The following EMC10 variants were observed in gnomAD, a reference collection of about 807,000 sequenced individuals.
The protein encoded by EMC10 is ER membrane protein complex subunit 10, also known as UPF0510 protein INM02.
EMC10 carries 40 observed loss-of-function variants against 32.2 expected under a neutral mutation model. The observed-to-expected ratio is 1.24, with a 90% CI of 0.96 to 1.61. EMC10 has a LOEUF of 1.61. Among genes scored for constraint, EMC10 ranks in the 40% most tolerant of loss-of-function variants. EMC10 has a pLI of 0.00. For missense variants in EMC10, 402 were observed against 357.7 expected (o/e 1.12, Z -1.00); for synonymous variants, 178 against 158.4 (o/e 1.12, Z -0.93).
In EMC10 at chr19:50,483,295, T is replaced by TG. The variant is rs2040352391; in HGVS notation, c.*1038dup. 2.7e-6 allele frequency: 1 copy of TG among 373,644 alleles called. No homozygotes were observed. The highest frequency in any genetic ancestry group is 2.0e-5 in the South Asian group (1 of 50,458). 23.1% of individuals were successfully genotyped at this position (373,644 alleles called of 1,614,324 possible). The stretch of plus-strand genomic sequence containing the variant: ...CTGTCCCCATCCTCATGTGGCTGTG[T>TG]GGAGCTCAGCTGTGTTGTGTGGCAG... On this transcript the variant is annotated 3_prime_UTR_variant, in exon 7 of 7. Transcript: ENST00000334976.
At position 50,480,732 on chromosome 19, in the gene EMC10, T is replaced by C. The variant is rs754182565; in HGVS notation, c.554T>C (p.Val185Ala). The change falls in exon 5 of 7, where the codon GTG (valine) becomes GCG (alanine). Residue 185 changes from valine to alanine, a missense_variant. Val to Ala is a moderately conservative substitution (Grantham distance 64). Transcript: ENST00000334976. This position sits in a 1 kb window ranked among gnomAD's most constrained non-coding sequence, Gnocchi z 4.4. ...DVDLELFNTSVQLQPPTTAPG... is the reference protein window; with the variant it reads ...DVDLELFNTSAQLQPPTTAPG... Reference sequence around the variant, plus strand: ...GACCTGGAGCTGTTCAACACCTCGGTGCAGCTGCAGCCGCCCACCACAGCC... The same window carrying C: ...GACCTGGAGCTGTTCAACACCTCGGCGCAGCTGCAGCCGCCCACCACAGCC... 175 of 1,600,816 alleles carry C rather than the reference T, an allele frequency of 1.1e-4. No homozygotes were observed. The East Asian group carries it at 3.5e-3, about 32-fold the overall frequency.
At chr19:50,481,744 G>A in intron 6 of EMC10, 1 of 842,768 alleles carries the variant, frequency 1.2e-6, no homozygotes, top group Non-Finnish European at 1.8e-6. Context: ...CCCAGAGGCT[G>A]AGCCCTTGCC....
rs1601331256 is a variant in EMC10, at chr19:50,485,085, T to C, written c.*2826T>C. 1 of 152,244 alleles carries C rather than the reference T, an allele frequency of 6.6e-6. No individual in the cohort carries two copies. The highest frequency in any genetic ancestry group is 6.5e-5 in the Admixed American group (1 of 15,288). The allele number at this position is 152,244 out of a possible 1,614,324, so 9.4% of individuals were successfully genotyped here. On this transcript the variant is annotated 3_prime_UTR_variant, in exon 7 of 7. Transcript: ENST00000334976. Reference sequence around the variant, plus strand: ...AGGTGCCATCTTATTCCATCTCTGGTGTAAGAGTGTGTTGCTGGATTTGAG... The same window carrying C: ...AGGTGCCATCTTATTCCATCTCTGGCGTAAGAGTGTGTTGCTGGATTTGAG...
At chr19:50,481,934 C>T in intron 6 of EMC10, 1 of 1,607,684 alleles carries the variant, frequency 6.2e-7, no homozygotes, top group Non-Finnish European at 8.5e-7. Context: ...GCGCCACCGC[C>T]ACAGGAGGCC....
intron 2 of EMC10, among the ~76,000 whole-genome samples, chr19:50,478,372 G>A (rs938683806): frequency 1.1e-4 from 16 of 152,152 alleles, no homozygotes; most frequent in Non-Finnish European, 2.2e-4. Flanking sequence ...AAGAGGAAAC[G>A]GGCTCAGAGT....
chr19:50,478,872 A>G (rs2040272097), intron 2 of EMC10, 85 bp from the exon 3 acceptor site: 1 of 1,131,090 alleles, frequency 8.8e-7, no homozygotes, highest in East Asian at 2.6e-5. Context: ...GGCCAGGCCA[A>G]AATTTGAAGC....
chr19:50,482,910 TG>T lies in EMC10; in HGVS notation c.*652del. ...AAACAAGGAATCCTTGCCTTTAAGG[TG>T]ACAGGCCCTCCACAGGCTTCCAGAC... is the stretch of plus-strand genomic sequence containing the variant. On this transcript the variant is annotated 3_prime_UTR_variant, in exon 7 of 7. Coordinates refer to ENST00000334976, the MANE Select transcript of EMC10 (RefSeq NM_206538.4). The T allele has an allele frequency of 1.8e-6, 1 of 556,912 alleles. No individual in the cohort carries two copies. Among genetic ancestry groups the T allele is most frequent in the Non-Finnish European group, 3.2e-6 (1 of 315,250 alleles). 34.5% of individuals were successfully genotyped at this position (556,912 alleles called of 1,614,324 possible). A position where few individuals can be genotyped will look rare whatever the true frequency, so the allele number is the denominator to read the frequency against.
chr19:50,480,587 C>T lies in EMC10; in HGVS notation c.409C>T (p.Leu137=). ...GACCCCACTCCCCCCACAGTGCTCCCTGGTGGAGTCGCACCTGTCGGACCA... is the reference window on the plus strand; with the variant it reads ...GACCCCACTCCCCCCACAGTGCTCCTTGGTGGAGTCGCACCTGTCGGACCA... ...YVSSFVPACS[L]VESHLSDQLT... Residue 137 remains leucine, a synonymous_variant, in exon 5 of 7, where the codon CTG becomes TTG. Coordinates refer to ENST00000334976, the MANE Select transcript of EMC10 (RefSeq NM_206538.4). The surrounding 1 kb of genome is among the most constrained non-coding windows in gnomAD (Gnocchi z 4.4). 1 of 1,555,178 alleles carries T rather than the reference C, an allele frequency of 6.4e-7. No homozygotes were observed. The highest frequency in any genetic ancestry group is 8.7e-7 in the Non-Finnish European group (1 of 1,149,394).
In EMC10 at chr19:50,483,553, T is replaced by C. The variant is rs757736897; in HGVS notation, c.*1294T>C. On this transcript the variant is annotated 3_prime_UTR_variant, in exon 7 of 7. Transcript: ENST00000334976. ...AGGTGGTGCACCGTGGGAGGTTGCC[T>C]TCCCTCCCATCACTTCTTTTTGTTT... The C allele has an allele frequency of 7.0e-5, 11 of 157,512 alleles. No individual in the cohort carries two copies. Among genetic ancestry groups the C allele is most frequent in the Non-Finnish European group, 8.4e-5 (6 of 71,286 alleles). The allele number at this position is 157,512 out of a possible 1,614,324, so 9.8% of individuals were successfully genotyped here. A position where few individuals can be genotyped will look rare whatever the true frequency, so the allele number is the denominator to read the frequency against.
rs1367148321 is a variant in EMC10, at chr19:50,478,016, G to A, written c.187+15G>A. On this transcript the variant is annotated intron_variant, in intron 2 of 6. Transcript: ENST00000334976. The stretch of plus-strand genomic sequence containing the variant: ...ATTTGAGATCGGTGAGTCAGGCAAC[G>A]TCCTCTCCTAGACACTTAACATTGG... 3.1e-6 allele frequency: 5 copies of A among 1,598,280 alleles called. No individual in the cohort carries two copies. The highest frequency in any genetic ancestry group is 3.4e-6 in the Non-Finnish European group (4 of 1,173,698).
rs192802387 is a variant in EMC10 at position 50,484,510 on chromosome 19, T to C, written c.*2251T>C. The C allele has an allele frequency of 3.9e-5, 6 of 152,328 alleles. No homozygotes were observed. 9.4% of individuals were successfully genotyped at this position (152,328 alleles called of 1,614,324 possible). A position where few individuals can be genotyped will look rare whatever the true frequency, so the allele number is the denominator to read the frequency against. ...TCGGTTGCTTTCAGGCTGGCAGGGT[T>C]ACTCTGTTGGGTATTCCAGGAAATG... is the stretch of plus-strand genomic sequence containing the variant. On this transcript the variant is annotated 3_prime_UTR_variant, in exon 7 of 7. Transcript: ENST00000334976.
At chr19:50,479,288 C>T (rs1348721251) in intron 3 of EMC10, among the ~76,000 whole-genome samples, 1 of 152,260 alleles carries the variant, frequency 6.6e-6, no homozygotes, top group Non-Finnish European at 1.5e-5. Flanking sequence ...ATCACGGCCT[C>T]TTCCTGCACT....
Position 50,487,574 on chromosome 19 carries a change from C to T in EMC10, c.*5315C>T, listed in dbSNP as rs1978411551. ...CTCCTGGGCCTCAGGCTTGGGGGCCCTGCTCAGGGCTAGCCTGTTTGGGCC... is the reference window on the plus strand; with the variant it reads ...CTCCTGGGCCTCAGGCTTGGGGGCCTTGCTCAGGGCTAGCCTGTTTGGGCC... On this transcript the variant is annotated 3_prime_UTR_variant, in exon 7 of 7. Transcript: ENST00000334976. 1 of 152,422 alleles carries T rather than the reference C, an allele frequency of 6.6e-6. No individual in the cohort carries two copies. The highest frequency in any genetic ancestry group is 2.4e-5 in the African/African-American group (1 of 41,476). The allele number at this position is 152,422 out of a possible 1,614,324, so 9.4% of individuals were successfully genotyped here. A position where few individuals can be genotyped will look rare whatever the true frequency, so the allele number is the denominator to read the frequency against.
At chr19:50,479,320 C>A (rs1041437900) in intron 3 of EMC10, among the ~76,000 whole-genome samples, 2 of 152,240 alleles carry the variant, frequency 1.3e-5, no homozygotes. Flanking sequence ...TGGCAGACCC[C>A]CTTCCCCTGC....
rs767425488 is a variant in EMC10, at chr19:50,480,238, C to T, written c.402+23C>T. On this transcript the variant is annotated intron_variant, in intron 4 of 6. Transcript: ENST00000334976. The surrounding 1 kb of genome is among the most constrained non-coding windows in gnomAD (Gnocchi z 4.4). ...GCGGTGAGTTGGTGTCGGGGATGAG[C>T]CCCCTTCTCCCTCGTCCTCCTCATC... The T allele has an allele frequency of 1.6e-5, 25 of 1,591,724 alleles. No individual in the cohort carries two copies. In the East Asian group the frequency reaches 4.7e-4, roughly 30 times the overall value.
In EMC10 at chr19:50,480,868, T is replaced by C; in HGVS notation, c.585-16T>C. ...ACTCCGGGCCTCACCCTTCTCCTCC[T>C]CTCCCCTTGCCCCAGCCCTGAGACG... On this transcript the variant is annotated splice_polypyrimidine_tract_variant and intron_variant, in intron 5 of 6. Coordinates refer to ENST00000334976, the MANE Select transcript of EMC10 (RefSeq NM_206538.4). This position sits in a 1 kb window ranked among gnomAD's most constrained non-coding sequence, Gnocchi z 4.4. 1.3e-6 allele frequency: 2 copies of C among 1,591,198 alleles called. No homozygotes were observed. The highest frequency in any genetic ancestry group is 1.1e-5 in the South Asian group (1 of 89,122).
rs2087549968 is a variant in EMC10, at chr19:50,488,539, G to A, written c.*6280G>A. 7.1e-6 allele frequency: 1 copy of A among 139,908 alleles called. No individual in the cohort carries two copies. Among genetic ancestry groups the A allele is most frequent in the African/African-American group, 2.7e-5 (1 of 37,682 alleles). 8.7% of individuals were successfully genotyped at this position (139,908 alleles called of 1,614,324 possible). On this transcript the variant is annotated 3_prime_UTR_variant, in exon 7 of 7. Coordinates refer to ENST00000334976, the MANE Select transcript of EMC10 (RefSeq NM_206538.4). ...CGGGTGAAGGAGGGAGCGTCCTAGG[G>A]AGAAGTGGGTGGGGGAGAGGGTGTT...
rs143867426 is a variant in EMC10 at position 50,476,850 on chromosome 19, G to T, written c.114+192G>T. The T allele has an allele frequency of 1.4e-3, 685 of 485,734 alleles. 3 individuals are homozygous for T. The highest frequency in any genetic ancestry group is 0.012 in the African/African-American group (597 of 49,096). 30.1% of individuals were successfully genotyped at this position (485,734 alleles called of 1,614,324 possible). Reference sequence around the variant, plus strand: ...CCAGTGCACCGGGTTGCAAGGACTGGGTGGGAGGACAAGCGCACCTGTCGG... The same window carrying T: ...CCAGTGCACCGGGTTGCAAGGACTGTGTGGGAGGACAAGCGCACCTGTCGG... On this transcript the variant is annotated intron_variant, in intron 1 of 6. Transcript: ENST00000334976.
chr19:50,478,734 T>C (rs187243878), intron 2 of EMC10, among the ~76,000 whole-genome samples: 1 of 152,288 alleles, frequency 6.6e-6, no homozygotes, highest in East Asian at 1.9e-4. Context: ...AGGCAGGATT[T>C]GGGAGCTGTG....
Sources: gnomAD v4.1 joint callset for allele counts (sites outside exome capture counted in the v4.1 genomes callset) on GRCh38, gnomAD v4.1.1 for gene constraint, Gnocchi (gnomAD v3.1) non-coding constraint, MANE v1.5 for transcripts, NCBI Gene and HGNC (gene_info 2026-07-23, HGNC 2026-07-21) for gene names.